FOXP2: variants seen among roughly 807,000 people sequenced by gnomAD.
The protein encoded by FOXP2 is forkhead box protein P2.
Under a neutral mutation model 115.8 loss-of-function variants are expected in FOXP2, and 12 were observed. That is an observed-to-expected ratio of 0.10 (90% confidence interval 0.07 to 0.17). The LOEUF is 0.17. Among genes scored for constraint, FOXP2 ranks in the 10% least tolerant of loss-of-function variants. The pLI is 1.00. For synonymous variants in FOXP2, 328 were observed against 297.7 expected, an observed-to-expected ratio of 1.10 and a Z score of -1.05; for missense variants, 629 against 843.5, an observed-to-expected ratio of 0.75 and a Z score of 3.15.
chr7:114,402,651 G>T (rs1411523991), intron 2 of FOXP2, among the ~76,000 whole-genome samples: 3 of 147,174 alleles, frequency 2.0e-5, no homozygotes, highest in South Asian at 2.1e-4. Flanking sequence ...ACAGGGTCTT[G>T]CTCTGTCACC....
At chr7:114,133,878 A>G (rs1340749171) in intron 1 of FOXP2, among the ~76,000 whole-genome samples, 1 of 152,232 alleles carries the variant, frequency 6.6e-6, no homozygotes, top group Non-Finnish European at 1.5e-5. Context: ...ACAGCATGAA[A>G]GACCTTGCCA....
intron 16 of FOXP2, among the ~76,000 whole-genome samples, chr7:114,676,898 T>C (rs1185080301): frequency 6.6e-6 from 1 of 152,114 alleles, no homozygotes; most frequent in Non-Finnish European, 1.5e-5. Flanking sequence ...TAGATATGAG[T>C]CATAAATTTT....
intron 2 of FOXP2, among the ~76,000 whole-genome samples, chr7:114,481,280 A>T (rs929768319): frequency 9.9e-5 from 15 of 151,206 alleles, no homozygotes; most frequent in Non-Finnish European, 2.2e-4. Flanking sequence ...ATACATTTTT[A>T]AAAGTTATTA....
Position 114,120,106 on chromosome 7 carries a change from A to G in FOXP2, c.-247+32268A>G, listed in dbSNP as rs1791517270. Among the ~76,000 whole-genome samples, 3 of 152,182 alleles carry G rather than the reference A, an allele frequency of 2.0e-5. No individual in the cohort carries two copies. The South Asian group carries it at 6.2e-4, about 31-fold the overall frequency. On this transcript the variant is annotated intron_variant, in intron 1 of 19. Coordinates refer to the FOXP2 transcript ENST00000635638. ...AGGATAGTAATAGATAGGATGAGAT[A>G]AGTAGGTGGATGAGCAGCAGAGTCT...
chr7:114,364,150 G>C (rs534168147), intron 2 of FOXP2, among the ~76,000 whole-genome samples: 1 of 152,164 alleles, frequency 6.6e-6, no homozygotes, highest in South Asian at 2.1e-4. Flanking sequence ...CATGAAATTT[G>C]TTCCTCATAA....
At chr7:114,268,754 G>A (rs748584406) in intron 1 of FOXP2, among the ~76,000 whole-genome samples, 4 of 151,220 alleles carry the variant, frequency 2.6e-5, no homozygotes, top group East Asian at 1.9e-4. Flanking sequence ...TCCGTTAATC[G>A]TTTCTGGGTT....
chr7:114,681,870 A>G (rs1351802860), intron 16 of FOXP2, among the ~76,000 whole-genome samples: 1 of 152,236 alleles, frequency 6.6e-6, no homozygotes, highest in African/African-American at 2.4e-5. Context: ...TGATACAGTA[A>G]TAAAAATCTC....
intron 1 of FOXP2, among the ~76,000 whole-genome samples, chr7:114,121,123 T>C (rs1791552020): frequency 6.6e-6 from 1 of 152,086 alleles, no homozygotes; most frequent in African/African-American, 2.4e-5. Context: ...ACCCCCAGTG[T>C]GACAGAATGA....
At chr7:114,292,103 A>G (rs1381244573) in intron 2 of FOXP2, among the ~76,000 whole-genome samples, 1 of 150,608 alleles carries the variant, frequency 6.6e-6, no homozygotes, top group Non-Finnish European at 1.5e-5. Flanking sequence ...TTTTAAAATA[A>G]TCATCAGAGT....
At chr7:114,106,901 A>C (rs1297677823) in intron 1 of FOXP2, among the ~76,000 whole-genome samples, 1 of 151,984 alleles carries the variant, frequency 6.6e-6, no homozygotes, top group East Asian at 1.9e-4. Flanking sequence ...GTATGTTTTT[A>C]AGTTAATAAA....
intron 2 of FOXP2, among the ~76,000 whole-genome samples, chr7:114,433,071 T>C (rs1386741351): frequency 1.3e-5 from 2 of 152,038 alleles, no homozygotes; most frequent in African/African-American, 4.8e-5. Context: ...CTAATACTTA[T>C]GACCATTTCA....
intron 1 of FOXP2, among the ~76,000 whole-genome samples, chr7:114,137,616 T>C (rs1792074957): frequency 1.3e-5 from 2 of 151,816 alleles, no homozygotes; most frequent in Non-Finnish European, 2.9e-5. Flanking sequence ...AAGTTCAGTT[T>C]CACACGGAAC....
chr7:114,454,908 T>C (rs1383234221), intron 2 of FOXP2, among the ~76,000 whole-genome samples: 2 of 133,768 alleles, frequency 1.5e-5, no homozygotes, highest in South Asian at 2.7e-4. Flanking sequence ...TTGGGAGATA[T>C]ACCTAATGCT....
At position 114,481,589 on chromosome 7, in the gene FOXP2, A is replaced by G. The variant is rs1013562303; in HGVS notation, c.169-53028A>G. The stretch of plus-strand genomic sequence containing the variant: ...AGTTCTTTTCTCATTAATTGACATT[A>G]ATGTGGACTTAATCACTCTTCTCTA... On this transcript the variant is annotated intron_variant, in intron 2 of 16. Transcript: ENST00000350908. 9.9e-5 allele frequency among the ~76,000 whole-genome samples: 15 copies of G among 151,330 alleles called. 1 individual carries two copies. The highest frequency in any genetic ancestry group is 9.9e-4 in the Admixed American group (15 of 15,138).
At chr7:114,651,824 A>G (rs1806273662) in intron 8 of FOXP2, among the ~76,000 whole-genome samples, 1 of 152,196 alleles carries the variant, frequency 6.6e-6, no homozygotes, top group South Asian at 2.1e-4. Context: ...TGTTCTAACA[A>G]TGAAATAGAA....
At chr7:114,537,560 T>G (rs1267955912) in intron 3 of FOXP2, among the ~76,000 whole-genome samples, 8 of 151,612 alleles carry the variant, frequency 5.3e-5, no homozygotes, top group Admixed American at 2.6e-4. Context: ...ATTTGAAGTG[T>G]GACATGGTAC....
At chr7:114,688,208 T>TAC (rs56751704) in intron 16 of FOXP2, among the ~76,000 whole-genome samples, 17,925 of 115,082 alleles carry the variant, frequency 0.16, 1,640 homozygotes, top group East Asian at 0.24. Flanking sequence ...CATACATGCA[T>TAC]ACACACACAC....
chr7:114,098,849 A>G (rs1250991662), intron 1 of FOXP2, among the ~76,000 whole-genome samples: 1 of 152,166 alleles, frequency 6.6e-6, no homozygotes, highest in Non-Finnish European at 1.5e-5. Flanking sequence ...AAGAACTCAT[A>G]TAACTAGGCC....
At chr7:114,341,302 C>T (rs890783021) in intron 2 of FOXP2, among the ~76,000 whole-genome samples, 4 of 151,090 alleles carry the variant, frequency 2.6e-5, no homozygotes, top group South Asian at 2.1e-4. Flanking sequence ...AGTAAGACAT[C>T]GTCTTTATTT....
Sources: gnomAD v4.1 joint callset for allele counts (sites outside exome capture counted in the v4.1 genomes callset) on GRCh38, gnomAD v4.1.1 for gene constraint, MANE v1.5 for transcripts, NCBI Gene and HGNC (gene_info 2026-07-23, HGNC 2026-07-21) for gene names.